Variants in PLA2G7 observed in about 807,000 individuals in gnomAD.
PLA2G7 encodes the protein phospholipase A2 group VII.
In PLA2G7, 63 loss-of-function variants were observed where a neutral mutation model predicts 49.6. The ratio of observed to expected loss-of-function variants is 1.27; its 90% confidence interval spans 1.04 to 1.57. PLA2G7 has a LOEUF of 1.57. Ranked by LOEUF, PLA2G7 falls within the 40% of genes most tolerant of loss-of-function variation. The pLI is 0.00. For missense variants in PLA2G7, 596 were observed against 521.2 expected, an observed-to-expected ratio of 1.14 and a Z score of -1.40; for synonymous variants, 193 against 169.9, an observed-to-expected ratio of 1.14 and a Z score of -1.06.
chr6:46,728,672 G>A (rs1765641430), intron 1 of PLA2G7, among the ~76,000 whole-genome samples: 1 of 152,164 alleles, frequency 6.6e-6, no homozygotes. Context: ...TAAGATCAAT[G>A]GGCAGCCTGC....
Position 46,716,364 on chromosome 6 carries a change from A to G in PLA2G7, c.376+20T>C, listed in dbSNP as rs74470054. The G allele has an allele frequency of 5.8e-4, 936 of 1,613,574 alleles. 9 individuals are homozygous for G. The East Asian group carries it at 0.018, about 31-fold the overall frequency. ...TCATACATGCAAGAGCCTACAAAGAAGGATCAACAGAAATCTTACCAAAGA... is the reference window on the plus strand; with the variant it reads ...TCATACATGCAAGAGCCTACAAAGAGGGATCAACAGAAATCTTACCAAAGA... On this transcript the variant is annotated intron_variant, in intron 4 of 11. Transcript: ENST00000274793.
intron 3 of PLA2G7, 81 bp downstream of exon 3, chr6:46,716,894 C>T: frequency 1.4e-6 from 2 of 1,407,638 alleles, no homozygotes; most frequent in South Asian, 1.2e-5. Flanking sequence ...AGGGCAAGGT[C>T]ACATTTGAAC....
At chr6:46,717,709 C>CTTTTTTTTTTTTTTTTTTTTT (rs760308042) in intron 2 of PLA2G7, among the ~76,000 whole-genome samples, 1 of 116,206 alleles carries the variant, frequency 8.6e-6, no homozygotes. Context: ...TTTCTTTTTT[C>CTTTTTTTTTTTTTTTTTTTTT]TTTTTCTTTT....
chr6:46,705,372 G>A, intron 10 of PLA2G7, 71 bp from the exon 11 acceptor site: 1 of 1,232,332 alleles, frequency 8.1e-7, no homozygotes, highest in Non-Finnish European at 1.2e-6. Context: ...TAGAGTGTAA[G>A]AAAGGTACTG....
intron 1 of PLA2G7, among the ~76,000 whole-genome samples, chr6:46,734,667 A>C (rs955305396): frequency 2.6e-5 from 4 of 151,768 alleles, no homozygotes; most frequent in African/African-American, 9.7e-5. Flanking sequence ...CTAAAAATTC[A>C]AAAAAATTAG....
chr6:46,717,602 C>T (rs1562074416), intron 2 of PLA2G7, among the ~76,000 whole-genome samples: 2 of 152,086 alleles, frequency 1.3e-5, no homozygotes, highest in Non-Finnish European at 1.5e-5. Context: ...TCAAGAACTC[C>T]TCATCTCCTG....
At position 46,709,392 on chromosome 6, in the gene PLA2G7, T is replaced by G; in HGVS notation, c.804A>C (p.Ala268=). ...CTCCACCAAAAGAATGTCCAATTAC[T>G]GCTATTTTTTCCCTATCAATAGAGT... ...LKDSIDREKI[A]VIGHSFGGAT... The change falls in exon 9 of 12, where the codon GCA becomes GCC. Residue 268 remains alanine, a synonymous_variant. Transcript: ENST00000274793. 6.2e-7 allele frequency: 1 copy of G among 1,603,196 alleles called. No individual in the cohort carries two copies.
At chr6:46,717,746 C>T (rs1291819536) in intron 2 of PLA2G7, among the ~76,000 whole-genome samples, 8 of 146,704 alleles carry the variant, frequency 5.5e-5, no homozygotes, top group Non-Finnish European at 1.0e-4. Flanking sequence ...AGAGTCTCAC[C>T]GTGTTGCCAG....
At chr6:46,717,126 G>T (rs1400410683) in intron 2 of PLA2G7, 30 bp from the exon 3 acceptor site, 8 of 1,592,314 alleles carry the variant, frequency 5.0e-6, no homozygotes, top group Non-Finnish European at 8.6e-7. Flanking sequence ...TATCTCATTT[G>T]TCATCCATTA....
intron 1 of PLA2G7, among the ~76,000 whole-genome samples, chr6:46,727,539 C>A (rs565096145): frequency 6.6e-6 from 1 of 152,128 alleles, no homozygotes; most frequent in Non-Finnish European, 1.5e-5. Flanking sequence ...CACTCCCACC[C>A]AAATGTCCAT....
At chr6:46,735,001 G>A (rs552023154) in intron 1 of PLA2G7, among the ~76,000 whole-genome samples, 179 bp downstream of exon 1, 3 of 152,210 alleles carry the variant, frequency 2.0e-5, no homozygotes, top group East Asian at 3.9e-4. Flanking sequence ...CCCTCTCCCC[G>A]CAAGGATCCT....
chr6:46,709,230 C>T lies in PLA2G7; in HGVS notation c.869+97G>A. On this transcript the variant is annotated intron_variant, in intron 9 of 11. Coordinates refer to ENST00000274793, the MANE Select transcript of PLA2G7 (RefSeq NM_005084.4). Reference sequence around the variant, plus strand: ...ATAGCCTTATAAACTCCAAGAGATCCCTTCTTCACTAAGAATTTGAATAAA... The same window carrying T: ...ATAGCCTTATAAACTCCAAGAGATCTCTTCTTCACTAAGAATTTGAATAAA... The T allele has an allele frequency of 1.1e-5, 8 of 755,546 alleles. No individual in the cohort carries two copies. The South Asian group carries it at 1.2e-4, about 11-fold the overall frequency. 46.8% of individuals were successfully genotyped at this position (755,546 alleles called of 1,614,324 possible).
intron 10 of PLA2G7, 152 bp from the exon 11 acceptor site, chr6:46,705,453 T>G: frequency 1.5e-6 from 1 of 657,788 alleles, no homozygotes; most frequent in Non-Finnish European, 2.6e-6. Context: ...TAGATGTGTT[T>G]CAAGGGTCAC....
At chr6:46,715,132 T>C (rs1305403199) in intron 4 of PLA2G7, among the ~76,000 whole-genome samples, 1 of 152,196 alleles carries the variant, frequency 6.6e-6, no homozygotes, top group Non-Finnish European at 1.5e-5. Flanking sequence ...GGTGTATTCA[T>C]AAAGGCTGCT....
chr6:46,721,065 G>C (rs188705455), intron 2 of PLA2G7, among the ~76,000 whole-genome samples: 17 of 152,246 alleles, frequency 1.1e-4, no homozygotes, highest in Non-Finnish European at 1.9e-4. Context: ...TTTTGAGACA[G>C]AGTCTCGCTC....
In PLA2G7 at chr6:46,704,201, T is replaced by G. The variant is rs2150687925; in HGVS notation, c.*359A>C. 1 of 247,402 alleles carries G rather than the reference T, an allele frequency of 4.0e-6. No individual in the cohort carries two copies. Among genetic ancestry groups the G allele is most frequent in the Non-Finnish European group, 8.0e-6 (1 of 125,510 alleles). 15.3% of individuals were successfully genotyped at this position (247,402 alleles called of 1,614,324 possible). A position where few individuals can be genotyped will look rare whatever the true frequency, so the allele number is the denominator to read the frequency against. ...GGGAGTCTTGTATCATTGCAACAGG[T>G]TTTCACTGGGATTTTGCCTGTTTTA... is the stretch of plus-strand genomic sequence containing the variant. On this transcript the variant is annotated 3_prime_UTR_variant, in exon 12 of 12. Coordinates refer to ENST00000274793, the MANE Select transcript of PLA2G7 (RefSeq NM_005084.4).
At chr6:46,722,616 A>C (rs899434031) in intron 2 of PLA2G7, among the ~76,000 whole-genome samples, 167 bp downstream of exon 2, 10 of 152,178 alleles carry the variant, frequency 6.6e-5, no homozygotes, top group Admixed American at 3.9e-4. Context: ...ATTTCAGTTG[A>C]AATGAGGAAA....
chr6:46,725,362 G>A (rs1765537092), intron 1 of PLA2G7, among the ~76,000 whole-genome samples: 1 of 151,894 alleles, frequency 6.6e-6, no homozygotes, highest in South Asian at 2.1e-4. Context: ...CTCTCGAGTA[G>A]CTGGGACTAT....
At chr6:46,704,811 G>A in intron 11 of PLA2G7, 115 bp from the exon 12 acceptor site, 1 of 709,808 alleles carries the variant, frequency 1.4e-6, no homozygotes, top group East Asian at 2.7e-5. Flanking sequence ...TAGGATGGTA[G>A]AGACGATGTG....
Sources: allele counts gnomAD v4.1 joint callset (sites outside exome capture counted in the v4.1 genomes callset), GRCh38; gene constraint gnomAD v4.1.1; transcripts MANE v1.5; gene names NCBI Gene and HGNC (gene_info 2026-07-23, HGNC 2026-07-21).